Variants in CPS1 observed in about 807,000 individuals in gnomAD.
CPS1 encodes the protein carbamoyl-phosphate synthase 1.
A neutral mutation model predicts 174.6 loss-of-function variants in CPS1; 109 were observed. That is an observed-to-expected ratio of 0.62 (90% CI 0.53 to 0.73). The LOEUF (loss-of-function observed/expected upper bound fraction) is 0.73. CPS1 is among the 30% of genes least tolerant of loss of function. CPS1 has a pLI of 0.00. For synonymous variants in CPS1, 637 were observed against 632.0 expected (o/e 1.01, Z -0.12); for missense variants, 1,689 against 1,821.9 (o/e 0.93, Z 1.33).
chr2:210,494,653 G>A (rs1659691679), intron 1 of CPS1, among the ~76,000 whole-genome samples: 1 of 145,586 alleles, frequency 6.9e-6, no homozygotes, highest in Non-Finnish European at 1.5e-5. Context: ...AAAAAATACA[G>A]CAGGATCATG....
chr2:210,623,126 G>A (rs1460484783), intron 21 of CPS1, among the ~76,000 whole-genome samples: 2 of 151,984 alleles, frequency 1.3e-5, no homozygotes, highest in Middle Eastern at 3.2e-3. Flanking sequence ...TTGTTCTTGT[G>A]CATTCCATTC....
intron 16 of CPS1, among the ~76,000 whole-genome samples, chr2:210,602,738 T>C (rs1177087039): frequency 1.3e-5 from 2 of 151,942 alleles, no homozygotes; most frequent in Non-Finnish European, 2.9e-5. Flanking sequence ...TTAGAAATAA[T>C]GTGGCTGGCA....
intron 1 of CPS1, among the ~76,000 whole-genome samples, chr2:210,520,721 CT>C (rs1189249680): frequency 9.2e-5 from 14 of 152,106 alleles, no homozygotes; most frequent in African/African-American, 3.4e-4. Context: ...TGTCTAGCTT[CT>C]TTCACCAAAC....
chr2:210,656,613 G>C lies in CPS1; in HGVS notation c.3647G>C (p.Ser1216Thr). 6.2e-7 allele frequency: 1 copy of C among 1,610,204 alleles called. No homozygotes were observed. The change falls in exon 30 of 38, where the codon AGC (serine) becomes ACC (threonine). Residue 1216 changes from serine (S) to threonine (T), a missense_variant. Transcript: ENST00000233072. ...ATLMLPTQTI[S>T]QGAIEKVKDA... ...CTGATGCTGCCCACACAAACCATCA[G>C]CCAAGGGGCCATTGAAAAGGTCATC...
intron 32 of CPS1, 25 bp downstream of exon 32, chr2:210,660,680 T>G (rs1700889780): frequency 2.5e-6 from 4 of 1,598,960 alleles, no homozygotes; most frequent in Non-Finnish European, 3.4e-6. Context: ...AATTTATTAG[T>G]CATTTTATGA....
intron 6 of CPS1, 102 bp from the exon 7 acceptor site, chr2:210,587,956 G>GT: frequency 9.8e-7 from 1 of 1,025,322 alleles, no homozygotes; most frequent in Non-Finnish European, 1.6e-6. Context: ...CAATCAATCT[G>GT]TTACCAATCT....
At chr2:210,496,651 C>T (rs1275499747) in intron 1 of CPS1, among the ~76,000 whole-genome samples, 1 of 152,044 alleles carries the variant, frequency 6.6e-6, no homozygotes, top group African/African-American at 2.4e-5. Context: ...GTGACATAAC[C>T]TACATAGAAC....
intron 1 of CPS1, among the ~76,000 whole-genome samples, chr2:210,527,350 C>G (rs1285424940): frequency 1.3e-5 from 2 of 151,894 alleles, no homozygotes; most frequent in African/African-American, 4.8e-5. Flanking sequence ...ATATTGAAAA[C>G]TAAACATGAG....
chr2:210,568,149 A>G (rs1209263459), intron 1 of CPS1, among the ~76,000 whole-genome samples: 1 of 152,140 alleles, frequency 6.6e-6, no homozygotes, highest in African/African-American at 2.4e-5. Context: ...AACAGTATAC[A>G]CCAAATGCAG....
chr2:210,650,505 A>G, intron 28 of CPS1, 67 bp downstream of exon 28: 1 of 1,135,160 alleles, frequency 8.8e-7, no homozygotes. Context: ...TTATCTCTTA[A>G]TAAAATGTAG....
Position 210,678,082 on chromosome 2 carries a change from C to A in CPS1, c.*97C>A, listed in dbSNP as rs749271521. On this transcript the variant is annotated 3_prime_UTR_variant, in exon 38 of 38. Coordinates refer to ENST00000233072, the MANE Select transcript of CPS1 (RefSeq NM_001875.5). ...CTTTCTCAGAGATGAATATTGATAACTAAACTTCATTTCAGTTTACTTTGT... is the reference window on the plus strand; with the variant it reads ...CTTTCTCAGAGATGAATATTGATAAATAAACTTCATTTCAGTTTACTTTGT... The A allele has an allele frequency of 3.2e-6, 3 of 929,436 alleles. No individual in the cohort carries two copies. The South Asian group carries it at 3.9e-5, about 12-fold the overall frequency. The allele number at this position is 929,436 out of a possible 1,614,324, so 57.6% of individuals were successfully genotyped here.
chr2:210,519,553 A>G (rs1695766218), intron 1 of CPS1: 1 of 152,838 alleles, frequency 6.5e-6, no homozygotes, highest in Non-Finnish European at 1.5e-5. Context: ...ATTTGCAGCT[A>G]CCCATTATCT....
At chr2:210,674,774 T>C (rs949608382) in intron 34 of CPS1, 128 bp from the exon 35 acceptor site, 1 of 795,744 alleles carries the variant, frequency 1.3e-6, no homozygotes, top group African/African-American at 1.7e-5. Context: ...ATAAAACTTG[T>C]CATTTTTTAA....
In CPS1 at chr2:210,577,542, C is replaced by T; in HGVS notation, c.471+32C>T. The T allele has an allele frequency of 2.0e-6, 3 of 1,518,366 alleles. No individual in the cohort carries two copies. The South Asian group carries it at 3.4e-5, about 17-fold the overall frequency. The allele number at this position is 1,518,366 out of a possible 1,614,324, so 94.1% of individuals were successfully genotyped here. On this transcript the variant is annotated intron_variant, in intron 4 of 37. Transcript: ENST00000233072. ...AATGTAATAGGGCATCCATCATCAC[C>T]TAAGGAAGGTTGAGAAGGTGCCTGT...
intron 5 of CPS1, among the ~76,000 whole-genome samples, chr2:210,582,398 C>G (rs1427577331): frequency 6.6e-6 from 1 of 152,112 alleles, no homozygotes; most frequent in Non-Finnish European, 1.5e-5. Context: ...GGTGTCAGCC[C>G]TAGAAGAACT....
intron 21 of CPS1, among the ~76,000 whole-genome samples, chr2:210,633,060 T>C (rs1699919085): frequency 6.6e-6 from 1 of 152,198 alleles, no homozygotes; most frequent in Non-Finnish European, 1.5e-5. Context: ...GATACATCTG[T>C]TTCAAAATTC....
At chr2:210,591,592 G>T (rs778464684) in intron 9 of CPS1, among the ~76,000 whole-genome samples, 4 of 151,878 alleles carry the variant, frequency 2.6e-5, no homozygotes, top group Non-Finnish European at 2.9e-5. Context: ...TTCTAAAACC[G>T]ATTATAGAAT....
intron 1 of CPS1, among the ~76,000 whole-genome samples, chr2:210,515,214 G>A (rs1695649693): frequency 6.6e-6 from 1 of 151,512 alleles, no homozygotes; most frequent in Non-Finnish European, 1.5e-5. Flanking sequence ...TGGCTTCATA[G>A]AATGAGTTAG....
At chr2:210,575,293 G>A (rs1697654614) in intron 2 of CPS1, among the ~76,000 whole-genome samples, 1 of 152,016 alleles carries the variant, frequency 6.6e-6, no homozygotes, top group Admixed American at 6.6e-5. Flanking sequence ...GTGCCCCTGA[G>A]CACCTAAATT....
Sources: allele counts gnomAD v4.1 joint callset (sites outside exome capture counted in the v4.1 genomes callset), GRCh38; gene constraint gnomAD v4.1.1; transcripts MANE v1.5; gene names NCBI Gene and HGNC (gene_info 2026-07-23, HGNC 2026-07-21).